SLC5A8: variants seen among roughly 807,000 people sequenced by gnomAD.
SLC5A8 encodes the protein solute carrier family 5 member 8.
SLC5A8 carries 55 observed loss-of-function variants against 71.9 expected under a neutral mutation model. The ratio of observed to expected loss-of-function variants is 0.77; its 90% CI spans 0.62 to 0.96. The LOEUF (loss-of-function observed/expected upper bound fraction) is 0.96. SLC5A8 is among the 40% of genes least tolerant of loss of function. The pLI, the probability that SLC5A8 is intolerant of heterozygous loss-of-function variation, is 0.00. For missense variants in SLC5A8, 701 were observed against 745.3 expected (o/e 0.94, Z 0.69); for synonymous variants, 307 against 276.1 (o/e 1.11, Z -1.11).
Position 101,193,848 on chromosome 12 carries a change from A to G in SLC5A8, c.538-69T>C, listed in dbSNP as rs1019769258. On this transcript the variant is annotated intron_variant, in intron 4 of 14. Coordinates refer to ENST00000536262, the MANE Select transcript of SLC5A8 (RefSeq NM_145913.5). ...TTATTAAGCATCTACACACTTATAC[A>G]CTATACTGGAGAAAAATGATATAAA... 3.8e-5 allele frequency: 56 copies of G among 1,471,166 alleles called. No homozygotes were observed. In the African/African-American group the frequency reaches 7.2e-4, roughly 19 times the overall value. 91.1% of individuals were successfully genotyped at this position (1,471,166 alleles called of 1,614,324 possible).
chr12:101,158,598 CTATATATATA>C lies in SLC5A8; in HGVS notation c.1631-280_1631-271del, dbSNP rs139268658. Among the ~76,000 whole-genome samples, 197 of 21,214 alleles carry C rather than the reference CTATATATATA, an allele frequency of 9.3e-3. 5 individuals are homozygous for C. The highest frequency in any genetic ancestry group is 0.014 in the South Asian group (7 of 486). 13.9% of individuals were successfully genotyped at this position (21,214 alleles called of 152,430 possible). A position where few individuals can be genotyped will look rare whatever the true frequency, so the allele number is the denominator to read the frequency against. On this transcript the variant is annotated intron_variant, in intron 13 of 14. Transcript: ENST00000536262. ...TCTCTCTCTCTCTCTCTCTCTCTCT[CTATATATATA>C]TATATATATATATATATATATATAT...
At chr12:101,188,224 T>C (rs1455856149) in intron 6 of SLC5A8, among the ~76,000 whole-genome samples, 1 of 152,190 alleles carries the variant, frequency 6.6e-6, no homozygotes, top group Non-Finnish European at 1.5e-5. Context: ...TAAAACTAAA[T>C]GAAACAGTAT....
rs1252754707 is a variant in SLC5A8, at chr12:101,173,413, GC to G, written c.1234-5232del. 7.2e-5 allele frequency among the ~76,000 whole-genome samples: 11 copies of G among 152,302 alleles called. No homozygotes were observed. The South Asian group carries it at 2.3e-3, about 32-fold the overall frequency. On this transcript the variant is annotated intron_variant, in intron 10 of 14. Transcript: ENST00000536262. ...TGTGGAGGTGGCAGCAGCTTTCTCA[GC>G]CCAAGTGATGACTGGTGACACCTGT...
intron 14 of SLC5A8, among the ~76,000 whole-genome samples, chr12:101,157,887 A>T (rs2051681539): frequency 6.6e-6 from 1 of 152,188 alleles, no homozygotes; most frequent in Non-Finnish European, 1.5e-5. Context: ...AGAGATAGAT[A>T]TACAACAGGT....
chr12:101,156,394 G>A lies in SLC5A8; in HGVS notation c.*885C>T. On this transcript the variant is annotated 3_prime_UTR_variant, in exon 15 of 15. Coordinates refer to ENST00000536262, the MANE Select transcript of SLC5A8 (RefSeq NM_145913.5). Reference sequence around the variant, plus strand: ...AGTATATGTTAGTACCAAGCTAATGGGAGTTCATAATTTATAGTCTGGGAC... The same window carrying A: ...AGTATATGTTAGTACCAAGCTAATGAGAGTTCATAATTTATAGTCTGGGAC... 1 of 152,092 alleles carries A rather than the reference G, an allele frequency of 6.6e-6. No individual in the cohort carries two copies. The highest frequency in any genetic ancestry group is 1.9e-4 in the East Asian group (1 of 5,198). 9.4% of individuals were successfully genotyped at this position (152,092 alleles called of 1,614,324 possible).
In SLC5A8 at chr12:101,157,199, C is replaced by CAA. The variant is rs1257220264; in HGVS notation, c.*78_*79dup. The CAA allele has an allele frequency of 3.2e-5, 49 of 1,537,490 alleles. No homozygotes were observed. The East Asian group carries it at 1.1e-3, about 35-fold the overall frequency. The stretch of plus-strand genomic sequence containing the variant: ...TCATGATACAACACACACACACACA[C>CAA]AAAGAAAACCTGATCCAATTATCTT... On this transcript the variant is annotated 3_prime_UTR_variant, in exon 15 of 15. Transcript: ENST00000536262.
chr12:101,182,796 AACTT>A lies in SLC5A8; in HGVS notation c.1165+3_1165+6del. On this transcript the variant is annotated splice_donor_5th_base_variant and intron_variant, in intron 9 of 14. Coordinates refer to ENST00000536262, the MANE Select transcript of SLC5A8 (RefSeq NM_145913.5). ...GCTAAAATGGAATTATGAAAACAGA[AACTT>A]ACTCATTCCTTGGGAAATCCAAGAC... The A allele has an allele frequency of 6.4e-7, 1 of 1,552,654 alleles. No homozygotes were observed. Among genetic ancestry groups the A allele is most frequent in the South Asian group, 1.2e-5 (1 of 83,186 alleles).
At chr12:101,162,414 A>T (rs2051732401) in intron 12 of SLC5A8, among the ~76,000 whole-genome samples, 1 of 152,204 alleles carries the variant, frequency 6.6e-6, no homozygotes, top group Non-Finnish European at 1.5e-5. Context: ...AGGAAAATAA[A>T]TTGTTCTACC....
At chr12:101,188,193 A>G (rs1195477789) in intron 6 of SLC5A8, among the ~76,000 whole-genome samples, 1 of 152,220 alleles carries the variant, frequency 6.6e-6, no homozygotes, top group African/African-American at 2.4e-5. Context: ...GTAGGATAGC[A>G]ATGCCTATGT....
intron 10 of SLC5A8, among the ~76,000 whole-genome samples, chr12:101,174,900 C>T (rs967450148): frequency 1.6e-4 from 25 of 152,148 alleles, no homozygotes; most frequent in Admixed American, 2.6e-4. Flanking sequence ...TATTGAAATG[C>T]CCAGGTTTCA....
chr12:101,177,440 T>TAC (rs1566312307), intron 10 of SLC5A8, among the ~76,000 whole-genome samples: 1 of 120,904 alleles, frequency 8.3e-6, no homozygotes, highest in African/African-American at 4.6e-5. Flanking sequence ...CCAAAGGCAG[T>TAC]ATATACACAC....
rs568973375 is a variant in SLC5A8 at position 101,204,252 on chromosome 12, C to T, written c.417+248G>A. ...AGATAAAGGGAAGCATATTTTCCGA[C>T]TGTTGCTTTATCAGTATAATATTTA... On this transcript the variant is annotated intron_variant, in intron 2 of 14. Coordinates refer to ENST00000536262, the MANE Select transcript of SLC5A8 (RefSeq NM_145913.5). Among the ~76,000 whole-genome samples, 46 of 152,336 alleles carry T rather than the reference C, an allele frequency of 3.0e-4. 1 individual carries two copies. In the South Asian group the frequency reaches 9.3e-3, roughly 31 times the overall value.
intron 10 of SLC5A8, among the ~76,000 whole-genome samples, chr12:101,170,256 C>T (rs1267598551): frequency 6.6e-6 from 1 of 152,196 alleles, no homozygotes; most frequent in African/African-American, 2.4e-5. Context: ...GAGCAAACGC[C>T]ACAGGAGGTG....
chr12:101,158,289 G>T lies in SLC5A8; in HGVS notation c.1670C>A (p.Thr557Asn), dbSNP rs138570903. 393 of 1,593,114 alleles carry T rather than the reference G, an allele frequency of 2.5e-4. 1 individual carries two copies. The highest frequency in any genetic ancestry group is 2.0e-3 in the African/African-American group (148 of 73,806). Residue 557 changes from threonine (T) to asparagine (N), a missense_variant, in exon 14 of 15, where the codon ACC becomes AAC. By Grantham distance (65) the Thr-to-Asn change is moderately conservative. Coordinates refer to ENST00000536262, the MANE Select transcript of SLC5A8 (RefSeq NM_145913.5). ...AAAATTGGATAAAAAGTCCTCTTTG[G>T]TTAGTATGTATCTGGGGTCTAAGTT... The part of the protein sequence containing the change: ...KQNLDPRYIL[T>N]KEDFLSNFDI...
At chr12:101,171,351 C>T (rs1477193440) in intron 10 of SLC5A8, among the ~76,000 whole-genome samples, 1 of 152,098 alleles carries the variant, frequency 6.6e-6, no homozygotes, top group Non-Finnish European at 1.5e-5. Context: ...GCTTGAGTGG[C>T]CTTATGCCTA....
chr12:101,192,006 C>T (rs1868933107), intron 5 of SLC5A8, among the ~76,000 whole-genome samples: 1 of 152,192 alleles, frequency 6.6e-6, no homozygotes, highest in South Asian at 2.1e-4. Context: ...TCAGCCTGGC[C>T]TACCAGGAAG....
chr12:101,202,267 A>G, intron 2 of SLC5A8, 52 bp from the exon 3 acceptor site: 1 of 1,419,292 alleles, frequency 7.0e-7, no homozygotes, highest in Non-Finnish European at 9.5e-7. Flanking sequence ...AAAATTCATG[A>G]ATTACGTCTG....
intron 5 of SLC5A8, among the ~76,000 whole-genome samples, chr12:101,191,687 G>A (rs549153886): frequency 2.4e-4 from 37 of 152,262 alleles, no homozygotes; most frequent in African/African-American, 7.9e-4. Context: ...AATGGCAGAC[G>A]ACACAGAAAA....
chr12:101,209,301 A>C (rs1212887615), intron 1 of SLC5A8, among the ~76,000 whole-genome samples, 197 bp downstream of exon 1: 1 of 152,054 alleles, frequency 6.6e-6, no homozygotes, highest in African/African-American at 2.4e-5. Context: ...CCCTTAGAGG[A>C]CGCCTCTCAG....
Sources: allele counts gnomAD v4.1 joint callset (sites outside exome capture counted in the v4.1 genomes callset), GRCh38; gene constraint gnomAD v4.1.1; transcripts MANE v1.5; gene names NCBI Gene and HGNC (gene_info 2026-07-23, HGNC 2026-07-21).